Variants in RUNDC3A observed in about 807,000 individuals in gnomAD.
The protein encoded by RUNDC3A is RUN domain-containing protein 3A.
A neutral mutation model predicts 53.9 loss-of-function variants in RUNDC3A; 28 were observed. The ratio of observed to expected loss-of-function variants is 0.52; its 90% CI spans 0.38 to 0.71. The LOEUF (loss-of-function observed/expected upper bound fraction) is 0.71. Among genes scored for constraint, RUNDC3A ranks in the 30% least tolerant of loss-of-function variants. The pLI, the probability that RUNDC3A is intolerant of heterozygous loss-of-function variation, is 0.00. For synonymous variants in RUNDC3A, 232 were observed against 249.4 expected (o/e 0.93, Z 0.66); for missense variants, 491 against 597.3 (o/e 0.82, Z 1.85).
rs778500556 is a variant in RUNDC3A, at chr17:44,315,126, C to T, written c.630-29C>T. On this transcript the variant is annotated intron_variant, in intron 6 of 10. Transcript: ENST00000426726. The surrounding 1 kb of genome is among the most constrained non-coding windows in gnomAD (Gnocchi z 6.1). The stretch of plus-strand genomic sequence containing the variant: ...AGACGCGCGGGGGGAGGGGCGGGAC[C>T]GGCCGTGCCCACTGCTCCCTCTCCC... 1 of 1,589,172 alleles carries T rather than the reference C, an allele frequency of 6.3e-7. No individual in the cohort carries two copies. The highest frequency in any genetic ancestry group is 8.6e-7 in the Non-Finnish European group (1 of 1,167,236).
chr17:44,313,940 G>A (rs1189385881), intron 4 of RUNDC3A: 2 of 990,482 alleles, frequency 2.0e-6, no homozygotes, highest in East Asian at 2.2e-4. Flanking sequence ...AAAGTGCTGG[G>A]ATTACAGGCA....
intron 1 of RUNDC3A, chr17:44,310,935 C>T: frequency 1.0e-6 from 1 of 985,534 alleles, no homozygotes; most frequent in African/African-American, 1.7e-5. Context: ...CGACCCCGCT[C>T]CTCACCATCC....
chr17:44,314,811 G>A lies in RUNDC3A; in HGVS notation c.535G>A (p.Ala179Thr). ...CACCGGAATGCTGATCGGACTGAGC[G>A]CCATCGACTTCAGGTGGGGTCTGCC... Reference protein sequence around the residue: ...ILTGMLIGLSAIDFSFCLKGE... With the variant: ...ILTGMLIGLSTIDFSFCLKGE... Residue 179 changes from alanine to threonine, a missense_variant, in exon 5 of 11, where the codon GCC becomes ACC. By Grantham distance (58) the Ala-to-Thr change is moderately conservative (BLOSUM62 0). Around this residue, in one of 2 missense-constraint regions of RUNDC3A, gnomAD observed 273 missense variants for 389.0 expected, o/e 0.70. Coordinates refer to ENST00000426726, the MANE Select transcript of RUNDC3A (RefSeq NM_001144825.2). 2.5e-6 allele frequency: 4 copies of A among 1,613,824 alleles called. No individual in the cohort carries two copies. Among genetic ancestry groups the A allele is most frequent in the Non-Finnish European group, 2.5e-6 (3 of 1,179,862 alleles).
chr17:44,310,658 G>A (rs2047732311), intron 1 of RUNDC3A: 1 of 980,694 alleles, frequency 1.0e-6, no homozygotes, highest in South Asian at 4.7e-5. Context: ...CCTGGGCCCT[G>A]GCCTCCCTGT....
intron 10 of RUNDC3A, 94 bp downstream of exon 10, chr17:44,316,819 T>C: frequency 1.7e-6 from 1 of 581,128 alleles, no homozygotes; most frequent in Non-Finnish European, 2.8e-6. Flanking sequence ...ATTCTCTTAG[T>C]CTTTTTTTTT....
At chr17:44,309,184 A>G (rs572147699) in intron 1 of RUNDC3A, among the ~76,000 whole-genome samples, 53 of 151,602 alleles carry the variant, frequency 3.5e-4, no homozygotes, top group Admixed American at 1.2e-3. Context: ...TTTAATTGGT[A>G]CTGTAGCTTC....
intron 10 of RUNDC3A, 163 bp from the exon 11 acceptor site, chr17:44,317,933 A>T (rs1424559831): frequency 6.1e-6 from 4 of 657,250 alleles, no homozygotes; most frequent in Non-Finnish European, 1.1e-5. Context: ...TGCCTGGCAC[A>T]GGCAGGTGCT....
At chr17:44,310,645 T>G in intron 1 of RUNDC3A, 2 of 952,346 alleles carry the variant, frequency 2.1e-6, no homozygotes, top group Non-Finnish European at 2.5e-6. Flanking sequence ...GGCCATGGGC[T>G]CCCCTGGGCC....
At position 44,315,213 on chromosome 17, in the gene RUNDC3A, G is replaced by C; in HGVS notation, c.688G>C (p.Asp230His). The C allele has an allele frequency of 6.4e-7, 1 of 1,553,784 alleles. No homozygotes were observed. The highest frequency in any genetic ancestry group is 8.7e-7 in the Non-Finnish European group (1 of 1,148,416). ...CAGCGCCGAGAGCAGCACGAGCGAG[G>C]ACAACTCGCCCGAGCACCCGTACCT... ...RHSAESSTSE[D>H]NSPEHPYLPL... The change falls in exon 7 of 11, where the codon GAC (aspartate) becomes CAC (histidine). Residue 230 changes from aspartate to histidine, a missense_variant. Coordinates refer to ENST00000426726, the MANE Select transcript of RUNDC3A (RefSeq NM_001144825.2). This position sits in a 1 kb window ranked among gnomAD's most constrained non-coding sequence, Gnocchi z 6.1.
chr17:44,317,502 T>C, intron 10 of RUNDC3A: 5 of 780,916 alleles, frequency 6.4e-6, no homozygotes, highest in Non-Finnish European at 9.6e-6. Flanking sequence ...AGAGCCAAAT[T>C]AGTGGCTCCC....
chr17:44,313,954 G>T (rs2047801755), intron 4 of RUNDC3A: 2 of 993,046 alleles, frequency 2.0e-6, no homozygotes, highest in Non-Finnish European at 2.4e-6. Context: ...ACAGGCATGA[G>T]CCACCGCTCC....
chr17:44,318,412 C>A lies in RUNDC3A; in HGVS notation c.*174C>A. 1 of 787,900 alleles carries A rather than the reference C, an allele frequency of 1.3e-6. No homozygotes were observed. The highest frequency in any genetic ancestry group is 2.0e-6 in the Non-Finnish European group (1 of 511,306). 48.8% of individuals were successfully genotyped at this position (787,900 alleles called of 1,614,324 possible). ...ACCTTAGCTTTCTGCCTTGGCAGCA[C>A]GGGCTGCGGAAGAAAGCACGCTGGG... On this transcript the variant is annotated 3_prime_UTR_variant, in exon 11 of 11. Transcript: ENST00000426726.
rs1378566445 is a variant in RUNDC3A at position 44,318,240 on chromosome 17, G to A, written c.*2G>A. On this transcript the variant is annotated 3_prime_UTR_variant, in exon 11 of 11. Coordinates refer to ENST00000426726, the MANE Select transcript of RUNDC3A (RefSeq NM_001144825.2). The stretch of plus-strand genomic sequence containing the variant: ...AGCCCAGCACTGAGCCCCAGCTGAG[G>A]AACAGCATGGGCAGTGCCAGCCCCA... 1 of 1,549,614 alleles carries A rather than the reference G, an allele frequency of 6.5e-7. No individual in the cohort carries two copies. Among genetic ancestry groups the A allele is most frequent in the South Asian group, 1.2e-5 (1 of 84,032 alleles).
Position 44,315,128 on chromosome 17 carries a change from G to A in RUNDC3A, c.630-27G>A. 1 of 1,589,174 alleles carries A rather than the reference G, an allele frequency of 6.3e-7. No homozygotes were observed. ...ACGCGCGGGGGGAGGGGCGGGACCGGCCGTGCCCACTGCTCCCTCTCCCAA... is the reference window on the plus strand; with the variant it reads ...ACGCGCGGGGGGAGGGGCGGGACCGACCGTGCCCACTGCTCCCTCTCCCAA... On this transcript the variant is annotated intron_variant, in intron 6 of 10. Coordinates refer to ENST00000426726, the MANE Select transcript of RUNDC3A (RefSeq NM_001144825.2). The surrounding 1 kb of genome is among the most constrained non-coding windows in gnomAD (Gnocchi z 6.1).
At chr17:44,314,121 TCTACAACACAGCCCTTCTGTCTCTCCAAA>T (rs1294913910) in intron 4 of RUNDC3A, 3 of 992,610 alleles carry the variant, frequency 3.0e-6, no homozygotes, top group African/African-American at 3.5e-5. Context: ...TGCTCCATGA[TCTACAACACAGCCCTTCTGTCTCTCCAAA>T]CAACGAAAGC....
At chr17:44,317,767 G>A in intron 10 of RUNDC3A, 1 of 604,694 alleles carries the variant, frequency 1.7e-6, no homozygotes, top group Non-Finnish European at 3.0e-6. Context: ...GCTCCATGAG[G>A]GCAGGGACCG....
intron 4 of RUNDC3A, chr17:44,314,467 T>C: frequency 1.5e-6 from 2 of 1,369,780 alleles, no homozygotes; most frequent in South Asian, 1.8e-5. Context: ...CTTCCTGATA[T>C]GAAGGATCTG....
chr17:44,318,054 A>T, intron 10 of RUNDC3A, 42 bp from the exon 11 acceptor site: 1 of 1,544,412 alleles, frequency 6.5e-7, no homozygotes, highest in South Asian at 1.2e-5. Context: ...ACTCCCACAC[A>T]TGTAGACTGG....
At chr17:44,310,985 G>C in intron 1 of RUNDC3A, 1 of 985,498 alleles carries the variant, frequency 1.0e-6, no homozygotes, top group Non-Finnish European at 1.2e-6. Context: ...TCCCAACCCT[G>C]CCTGGGCTCT....
Sources: allele counts gnomAD v4.1 joint callset (sites outside exome capture counted in the v4.1 genomes callset), GRCh38; gene constraint gnomAD v4.1.1; regional missense constraint gnomAD v4.1.1; non-coding constraint Gnocchi (gnomAD v3.1); transcripts MANE v1.5; gene names NCBI Gene and HGNC (gene_info 2026-07-23, HGNC 2026-07-21).